The following CDH13 variants were observed in gnomAD, a reference collection of about 807,000 sequenced individuals.
The protein encoded by CDH13 is cadherin-13.
A neutral mutation model predicts 63.8 loss-of-function variants in CDH13; 24 were observed. The ratio of observed to expected loss-of-function variants is 0.38; its 90% CI spans 0.27 to 0.53. The LOEUF is 0.53. Among genes scored for constraint, CDH13 ranks in the 20% least tolerant of loss-of-function variants. The pLI, the probability that CDH13 is intolerant of heterozygous loss-of-function variation, is 0.85. For synonymous variants in CDH13, 503 were observed against 355.3 expected (o/e 1.42, Z -4.67); for missense variants, 1,049 against 903.1 (o/e 1.16, Z -2.07).
chr16:83,200,755 C>A (rs1409799707), intron 4 of CDH13, among the ~76,000 whole-genome samples: 2 of 152,162 alleles, frequency 1.3e-5, no homozygotes, highest in Admixed American at 1.3e-4. Context: ...TATTGACTCA[C>A]AGCTACTATG....
intron 10 of CDH13, among the ~76,000 whole-genome samples, chr16:83,712,078 A>G (rs1300191697): frequency 6.6e-6 from 1 of 152,132 alleles, no homozygotes; most frequent in Non-Finnish European, 1.5e-5. Context: ...TCTCATGAGG[A>G]CACCAGTCAT....
At chr16:83,099,513 AG>A in intron 3 of CDH13, among the ~76,000 whole-genome samples, 1 of 151,520 alleles carries the variant, frequency 6.6e-6, no homozygotes, top group Non-Finnish European at 1.5e-5. Flanking sequence ...TAGTAGAGAC[AG>A]GGTTTTGCCA....
intron 8 of CDH13, among the ~76,000 whole-genome samples, chr16:83,624,625 C>G (rs1910116512): frequency 6.6e-6 from 1 of 152,120 alleles, no homozygotes; most frequent in African/African-American, 2.4e-5. Flanking sequence ...TCACAGGATG[C>G]TCACCTCCTG....
chr16:83,610,389 T>A (rs183340744), intron 8 of CDH13, among the ~76,000 whole-genome samples: 1 of 152,180 alleles, frequency 6.6e-6, no homozygotes, highest in Non-Finnish European at 1.5e-5. Context: ...AACTTCCATA[T>A]GAAAAAAGTA....
intron 6 of CDH13, among the ~76,000 whole-genome samples, chr16:83,484,013 A>G (rs1272786897): frequency 6.6e-6 from 1 of 152,210 alleles, no homozygotes; most frequent in African/African-American, 2.4e-5. Flanking sequence ...CTCACAGGGC[A>G]AAGAAGCTAG....
intron 1 of CDH13, among the ~76,000 whole-genome samples, chr16:82,734,976 C>T (rs924492857): frequency 6.6e-6 from 1 of 152,102 alleles, no homozygotes; most frequent in South Asian, 2.1e-4. Context: ...GGAGTAACAG[C>T]TAAAGCAAGA....
At chr16:83,533,618 C>G (rs1052553010) in intron 7 of CDH13, among the ~76,000 whole-genome samples, 3 of 116,104 alleles carry the variant, frequency 2.6e-5, no homozygotes, top group African/African-American at 1.1e-4. Flanking sequence ...TTTACATTAT[C>G]TTTTTTTTTT....
intron 2 of CDH13, among the ~76,000 whole-genome samples, chr16:82,931,278 C>T (rs994818565): frequency 6.6e-6 from 1 of 152,160 alleles, no homozygotes; most frequent in Non-Finnish European, 1.5e-5. Context: ...GAAAATAATA[C>T]TTTTTTGAAA....
chr16:83,120,024 AG>A (rs1229164323), intron 3 of CDH13, among the ~76,000 whole-genome samples: 1 of 145,010 alleles, frequency 6.9e-6, no homozygotes, highest in African/African-American at 2.6e-5. Flanking sequence ...CAGAAGAAGC[AG>A]GATGTCCTGA....
At chr16:83,604,006 G>T (rs147454447) in intron 8 of CDH13, among the ~76,000 whole-genome samples, 4 of 152,074 alleles carry the variant, frequency 2.6e-5, no homozygotes, top group South Asian at 2.1e-4. Context: ...CAGCACTAGG[G>T]GGGTGGGTGC....
At chr16:82,724,010 A>T (rs2032942680) in intron 1 of CDH13, among the ~76,000 whole-genome samples, 1 of 152,150 alleles carries the variant, frequency 6.6e-6, no homozygotes, top group Admixed American at 6.5e-5. Flanking sequence ...TGCTGGGCTG[A>T]GTTTTGAAAA....
chr16:82,732,526 A>T (rs1399561281), intron 1 of CDH13, among the ~76,000 whole-genome samples: 1 of 152,150 alleles, frequency 6.6e-6, no homozygotes, highest in Non-Finnish European at 1.5e-5. Flanking sequence ...AGCTGTTGTA[A>T]ATGATTTGAA....
chr16:82,736,755 C>G (rs1039522599), intron 1 of CDH13, among the ~76,000 whole-genome samples: 9 of 152,194 alleles, frequency 5.9e-5, no homozygotes, highest in African/African-American at 2.2e-4. Flanking sequence ...TACACTCACT[C>G]TCTTACCCTT....
intron 1 of CDH13, among the ~76,000 whole-genome samples, chr16:82,645,508 T>C (rs1480607051): frequency 6.6e-6 from 1 of 152,016 alleles, no homozygotes; most frequent in Non-Finnish European, 1.5e-5. Context: ...GGGCATCTAG[T>C]GGGCAGAGCT....
chr16:83,493,058 CCT>C (rs144890821), intron 7 of CDH13, among the ~76,000 whole-genome samples: 4,255 of 152,168 alleles, frequency 0.028, 206 homozygotes, highest in African/African-American at 0.096. Flanking sequence ...AGTTGTGAGA[CCT>C]CTCTAAACCT....
rs550192698 is a variant in CDH13, at chr16:82,666,221, C to G, written c.45+39084C>G. Among the ~76,000 whole-genome samples, 13 of 152,300 alleles carry G rather than the reference C, an allele frequency of 8.5e-5. No homozygotes were observed. The South Asian group carries it at 2.7e-3, about 32-fold the overall frequency. On this transcript the variant is annotated intron_variant, in intron 1 of 13. Transcript: ENST00000567109. Reference sequence around the variant, plus strand: ...TATCCTTAGGTGTTTATTCATCTTTCCAAGCTCCTGCAATCAACCAGAAAC... The same window carrying G: ...TATCCTTAGGTGTTTATTCATCTTTGCAAGCTCCTGCAATCAACCAGAAAC...
chr16:83,679,208 C>T (rs1055283966), intron 10 of CDH13, among the ~76,000 whole-genome samples: 1 of 152,164 alleles, frequency 6.6e-6, no homozygotes, highest in Admixed American at 6.5e-5. Context: ...CGCTATCCAC[C>T]CGTGGTGCAT....
intron 1 of CDH13, among the ~76,000 whole-genome samples, chr16:82,806,942 C>T (rs576514078): frequency 5.1e-4 from 77 of 152,262 alleles, no homozygotes; most frequent in Non-Finnish European, 8.8e-4. Flanking sequence ...GTGGGCATAG[C>T]AGTCATCATT....
intron 5 of CDH13, among the ~76,000 whole-genome samples, chr16:83,337,818 C>G (rs2090632482): frequency 6.6e-6 from 1 of 151,624 alleles, no homozygotes; most frequent in African/African-American, 2.4e-5. Flanking sequence ...ATATAAGAAA[C>G]TCATTAAGCT....
Sources: allele counts gnomAD v4.1 joint callset (sites outside exome capture counted in the v4.1 genomes callset), GRCh38; gene constraint gnomAD v4.1.1; transcripts MANE v1.5; gene names NCBI Gene and HGNC (gene_info 2026-07-23, HGNC 2026-07-21).